TENM3: variants seen among roughly 807,000 people sequenced by gnomAD.
TENM3 encodes the protein teneurin-3.
In TENM3, 63 loss-of-function variants were observed where a neutral mutation model predicts 255.1. That is an observed-to-expected ratio of 0.25 (90% CI 0.20 to 0.30). The LOEUF is 0.30. Ranked by LOEUF, TENM3 falls within the 10% of genes least tolerant of loss-of-function variation. The pLI is 1.00. For synonymous variants in TENM3, 1,306 were observed against 1,322.3 expected (o/e 0.99, Z 0.27); for missense variants, 2,929 against 3,461.1 (o/e 0.85, Z 3.86).
chr4:181,550,190 T>G, the TENM3 span, among the ~76,000 whole-genome samples: 4,192 of 152,292 alleles, frequency 0.028, 111 homozygotes, highest in African/African-American at 0.067. Flanking sequence ...GTAATGTTCA[T>G]GAGAAACAGA....
the TENM3 span, among the ~76,000 whole-genome samples, chr4:181,728,486 T>C: frequency 7.9e-5 from 12 of 152,240 alleles, no homozygotes; most frequent in Non-Finnish European, 1.8e-4. Flanking sequence ...TCCCTGGAAC[T>C]GAGGGTCCCT....
At chr4:182,080,340 G>A in the TENM3 span, among the ~76,000 whole-genome samples, 2 of 152,050 alleles carry the variant, frequency 1.3e-5, no homozygotes, top group Non-Finnish European at 2.9e-5. Flanking sequence ...CAAGACATTG[G>A]AAGATATTCA....
intron 3 of TENM3, among the ~76,000 whole-genome samples, chr4:182,589,448 T>TC (rs1746376361): frequency 1.3e-5 from 1 of 79,246 alleles, no homozygotes; most frequent in East Asian, 3.1e-4. Flanking sequence ...GGTTTTTAAT[T>TC]TTTTTTTTTT....
At chr4:182,548,314 G>A (rs756194305) in intron 3 of TENM3, among the ~76,000 whole-genome samples, 1 of 152,036 alleles carries the variant, frequency 6.6e-6, no homozygotes, top group Non-Finnish European at 1.5e-5. Flanking sequence ...TCCAAACCCA[G>A]CTTTTCCACA....
chr4:181,738,382 T>TC, the TENM3 span, among the ~76,000 whole-genome samples: 1 of 152,204 alleles, frequency 6.6e-6, no homozygotes, highest in Non-Finnish European at 1.5e-5. Flanking sequence ...GCTTTCTGAA[T>TC]CATCTGTCCA....
At chr4:181,912,714 A>G in the TENM3 span, among the ~76,000 whole-genome samples, 6 of 151,290 alleles carry the variant, frequency 4.0e-5, no homozygotes, top group African/African-American at 1.2e-4. Context: ...GGAGGTTGCA[A>G]TGATCTGAGA....
chr4:181,685,726 T>G, the TENM3 span, among the ~76,000 whole-genome samples: 1 of 152,112 alleles, frequency 6.6e-6, no homozygotes, highest in Non-Finnish European at 1.5e-5. Flanking sequence ...AGAAATGAGT[T>G]TTTGACATTG....
chr4:182,389,166 T>G (rs1768226925), intron 3 of TENM3, among the ~76,000 whole-genome samples: 1 of 152,184 alleles, frequency 6.6e-6, no homozygotes, highest in Non-Finnish European at 1.5e-5. Context: ...TTCATCCTGA[T>G]GGTAAGGATA....
At chr4:181,638,501 T>C in the TENM3 span, among the ~76,000 whole-genome samples, 2 of 152,212 alleles carry the variant, frequency 1.3e-5, no homozygotes, top group African/African-American at 4.8e-5. Flanking sequence ...CATAGAATGT[T>C]CCATCTGCAG....
the TENM3 span, among the ~76,000 whole-genome samples, chr4:182,108,287 C>A: frequency 6.6e-6 from 1 of 152,164 alleles, no homozygotes; most frequent in Admixed American, 6.5e-5. Context: ...ACAGCTGTGG[C>A]AATTCACATT....
In TENM3 at chr4:182,217,009, C is replaced by CTTTTTTT. The variant is rs3071526; in HGVS notation, c.-76+72280_-76+72286dup. ...TCTAAATTTCACCATCATTTTCTTT[C>CTTTTTTT]TTTTTTTTTTTTTTTTTTTTTTTTT... On this transcript the variant is annotated intron_variant, in intron 1 of 2. Coordinates refer to the TENM3 transcript ENST00000512480. Among the ~76,000 whole-genome samples, 61 of 67,526 alleles carry CTTTTTTT rather than the reference C, an allele frequency of 9.0e-4. 2 individuals are homozygous for CTTTTTTT. The highest frequency in any genetic ancestry group is 2.4e-3 in the African/African-American group (44 of 18,340). 44.3% of individuals were successfully genotyped at this position (67,526 alleles called of 152,430 possible).
intron 18 of TENM3, among the ~76,000 whole-genome samples, chr4:182,742,575 G>C (rs1352013391): frequency 6.6e-6 from 1 of 152,142 alleles, no homozygotes; most frequent in South Asian, 2.1e-4. Context: ...CACAAAGTTT[G>C]TTAACTTTAA....
At chr4:182,031,951 G>A in the TENM3 span, among the ~76,000 whole-genome samples, 3 of 152,062 alleles carry the variant, frequency 2.0e-5, no homozygotes, top group African/African-American at 7.2e-5. Flanking sequence ...GAAGCTTTTG[G>A]GCTCAGACGA....
chr4:181,907,277 G>T, the TENM3 span, among the ~76,000 whole-genome samples: 2 of 152,194 alleles, frequency 1.3e-5, no homozygotes, highest in South Asian at 4.1e-4. Flanking sequence ...GGAGGACCGT[G>T]GCAAGTTGGA....
At chr4:181,712,294 T>A in the TENM3 span, among the ~76,000 whole-genome samples, 1 of 152,154 alleles carries the variant, frequency 6.6e-6, no homozygotes, top group Non-Finnish European at 1.5e-5. Context: ...GATTGGATCA[T>A]GGGGGTGGAT....
chr4:182,364,906 C>A (rs904625358), intron 3 of TENM3, among the ~76,000 whole-genome samples: 1 of 152,192 alleles, frequency 6.6e-6, no homozygotes, highest in Non-Finnish European at 1.5e-5. Context: ...GCCTCTAATT[C>A]TGTTATTACC....
intron 3 of TENM3, among the ~76,000 whole-genome samples, chr4:182,368,300 C>CA (rs1460093928): frequency 6.6e-6 from 1 of 152,106 alleles, no homozygotes; most frequent in African/African-American, 2.4e-5. Context: ...AACCGTATTC[C>CA]CCTCCACCTT....
chr4:181,569,480 G>A, the TENM3 span, among the ~76,000 whole-genome samples: 13 of 152,124 alleles, frequency 8.5e-5, no homozygotes, highest in African/African-American at 2.4e-4. Context: ...GTCATGGTAA[G>A]GTTCAGCCCA....
the TENM3 span, among the ~76,000 whole-genome samples, chr4:182,077,950 C>T: frequency 6.6e-6 from 1 of 152,082 alleles, no homozygotes; most frequent in Admixed American, 6.6e-5. Context: ...GCAGAACACT[C>T]TTGACAGTAA....
Sources: gnomAD v4.1 joint callset for allele counts (sites outside exome capture counted in the v4.1 genomes callset) on GRCh38, gnomAD v4.1.1 for gene constraint, MANE v1.5 for transcripts, NCBI Gene and HGNC (gene_info 2026-07-23, HGNC 2026-07-21) for gene names.